LEF1: variants seen among roughly 807,000 people sequenced by gnomAD.
LEF1 encodes lymphoid enhancer-binding factor 1.
A neutral mutation model predicts 51.2 loss-of-function variants in LEF1; 14 were observed. The ratio of observed to expected loss-of-function variants is 0.27; its 90% CI spans 0.18 to 0.43. The LOEUF is 0.43. LEF1 is among the 20% of genes least tolerant of loss of function. The pLI is 1.00. For missense variants in LEF1, 386 were observed against 512.0 expected (o/e 0.75, Z 2.37); for synonymous variants, 185 against 183.2 (o/e 1.01, Z -0.08).
Position 108,163,609 on chromosome 4 carries a change from A to G in LEF1, c.373T>C (p.Tyr125His). The G allele has an allele frequency of 1.2e-6, 2 of 1,613,932 alleles. No individual in the cohort carries two copies. The highest frequency in any genetic ancestry group is 1.1e-5 in the South Asian group (1 of 91,068). The stretch of plus-strand genomic sequence containing the variant: ...GGAGAAAGAGATCCATTTGACATGT[A>G]TGGGTCGTTATTCATATTTGGCATC... ...IMMPNMNNDP[Y>H]MSNGSLSPPI... Residue 125 changes from tyrosine to histidine, a missense_variant, in exon 3 of 12, where the codon TAC (tyrosine) becomes CAC (histidine). Coordinates refer to ENST00000265165, the MANE Select transcript of LEF1 (RefSeq NM_016269.5).
rs749911957 is a variant in LEF1 at position 108,132,659 on chromosome 4, CTTTTTT to C, written c.414+30903_414+30908del. Among the ~76,000 whole-genome samples the C allele has an allele frequency of 5.2e-3, 246 of 47,452 alleles. 18 individuals carry two copies. The East Asian group carries it at 0.16, about 31-fold the overall frequency. 31.1% of individuals were successfully genotyped at this position (47,452 alleles called of 152,430 possible). A position where few individuals can be genotyped will look rare whatever the true frequency, so the allele number is the denominator to read the frequency against. ...ATATGGGATGAGAGCGAAAATCTGC[CTTTTTT>C]TTTTTTTTTTTTTTTTTTTTGAGGC... On this transcript the variant is annotated intron_variant, in intron 3 of 11. Coordinates refer to ENST00000265165, the MANE Select transcript of LEF1 (RefSeq NM_016269.5).
chr4:108,167,987 T>A lies in LEF1; in HGVS notation c.-220A>T. ...CCGGCGGCCGCCGCGCTTTCCCGCTTCGCGGAGACCGACGCAGGCGCCCGC... is the reference window on the plus strand; with the variant it reads ...CCGGCGGCCGCCGCGCTTTCCCGCTACGCGGAGACCGACGCAGGCGCCCGC... On this transcript the variant is annotated 5_prime_UTR_variant, in exon 1 of 12. Transcript: ENST00000265165. This position sits in a 1 kb window ranked among gnomAD's most constrained non-coding sequence, Gnocchi z 5.7. 1 of 224,408 alleles carries A rather than the reference T, an allele frequency of 4.5e-6. No individual in the cohort carries two copies. The highest frequency in any genetic ancestry group is 8.5e-6 in the Non-Finnish European group (1 of 117,314). The allele number at this position is 224,408 out of a possible 1,614,324, so 13.9% of individuals were successfully genotyped here.
chr4:108,049,638 C>T (rs1239729349), intron 11 of LEF1, among the ~76,000 whole-genome samples: 5 of 152,218 alleles, frequency 3.3e-5, no homozygotes, highest in African/African-American at 1.2e-4. Flanking sequence ...CCTTCTCAAC[C>T]TGGGTCCCTT....
chr4:108,115,846 TACACACACAC>T (rs55839332), intron 3 of LEF1, among the ~76,000 whole-genome samples: 2,406 of 139,364 alleles, frequency 0.017, 42 homozygotes, highest in Admixed American at 0.033. Flanking sequence ...ATGTAACACA[TACACACACAC>T]ACACACACAC....
intron 3 of LEF1, among the ~76,000 whole-genome samples, chr4:108,119,666 A>G (rs568352745): frequency 6.6e-6 from 1 of 152,168 alleles, no homozygotes; most frequent in Non-Finnish European, 1.5e-5. Context: ...GATAGCCTTC[A>G]TTACAAAAAG....
chr4:108,068,761 T>C (rs1382537263), intron 9 of LEF1, among the ~76,000 whole-genome samples: 24 of 152,192 alleles, frequency 1.6e-4, no homozygotes, highest in Non-Finnish European at 5.9e-5. Flanking sequence ...GTGCATGACC[T>C]CAGATATGCA....
At chr4:108,100,867 T>A (rs935018844) in intron 3 of LEF1, among the ~76,000 whole-genome samples, 1 of 152,238 alleles carries the variant, frequency 6.6e-6, no homozygotes, top group Non-Finnish European at 1.5e-5. Flanking sequence ...CTCTTATTTA[T>A]TTCTTTGACA....
chr4:108,079,120 T>A (rs1306001780), intron 7 of LEF1, among the ~76,000 whole-genome samples: 1 of 152,232 alleles, frequency 6.6e-6, no homozygotes, highest in African/African-American at 2.4e-5. Context: ...CAGAAGAAAG[T>A]GCATTAAACC....
intron 11 of LEF1, among the ~76,000 whole-genome samples, chr4:108,062,594 G>A (rs1017141093): frequency 2.0e-5 from 3 of 152,206 alleles, no homozygotes; most frequent in Non-Finnish European, 2.9e-5. Flanking sequence ...TACTGGCTAA[G>A]TTTCCAGGTC....
At chr4:108,155,647 C>A (rs1404394426) in intron 3 of LEF1, among the ~76,000 whole-genome samples, 1 of 152,228 alleles carries the variant, frequency 6.6e-6, no homozygotes, top group Non-Finnish European at 1.5e-5. Context: ...GCGGCCACAG[C>A]TAGAAAACAG....
intron 3 of LEF1, among the ~76,000 whole-genome samples, chr4:108,089,793 T>C (rs1739890575): frequency 6.6e-6 from 1 of 152,222 alleles, no homozygotes; most frequent in Non-Finnish European, 1.5e-5. Context: ...ACAGAGTTCA[T>C]AACTCTATGT....
intron 3 of LEF1, among the ~76,000 whole-genome samples, chr4:108,114,010 A>C (rs1319182117): frequency 6.6e-6 from 1 of 152,214 alleles, no homozygotes; most frequent in Non-Finnish European, 1.5e-5. Flanking sequence ...TTTTTAAGGC[A>C]AGTATGTTAT....
chr4:108,166,209 G>C, intron 1 of LEF1: 1 of 1,498,170 alleles, frequency 6.7e-7, no homozygotes, highest in Non-Finnish European at 8.9e-7. Context: ...TGGATTCAAC[G>C]GGTAAAGAAC....
intron 3 of LEF1, among the ~76,000 whole-genome samples, chr4:108,122,023 A>C (rs761107250): frequency 1.6e-4 from 24 of 152,170 alleles, no homozygotes; most frequent in Non-Finnish European, 2.6e-4. Flanking sequence ...AATCCTTTGA[A>C]GTTTTTTAAC....
rs2110435527 is a variant in LEF1, at chr4:108,168,801, G to C, written c.-1034C>G. 1 of 152,348 alleles carries C rather than the reference G, an allele frequency of 6.6e-6. No homozygotes were observed. Among genetic ancestry groups the C allele is most frequent in the South Asian group, 2.1e-4 (1 of 4,832 alleles). 9.4% of individuals were successfully genotyped at this position (152,348 alleles called of 1,614,324 possible). A position where few individuals can be genotyped will look rare whatever the true frequency, so the allele number is the denominator to read the frequency against. On this transcript the variant is annotated 5_prime_UTR_variant, in exon 1 of 12. Coordinates refer to ENST00000265165, the MANE Select transcript of LEF1 (RefSeq NM_016269.5). This position sits in a 1 kb window ranked among gnomAD's most constrained non-coding sequence, Gnocchi z 4.6. ...CTTGAGTTCGCCCGGCCGAGGGGAG[G>C]GGACGCCCCGAGCTTGGCCGCGTGC...
intron 3 of LEF1, among the ~76,000 whole-genome samples, chr4:108,099,594 A>ATG (rs1256316074): frequency 7.8e-6 from 1 of 127,570 alleles, no homozygotes; most frequent in Non-Finnish European, 1.7e-5. Context: ...ATATATATAT[A>ATG]TATATATATA....
intron 3 of LEF1, among the ~76,000 whole-genome samples, chr4:108,118,411 G>A (rs1741968233): frequency 2.0e-5 from 3 of 152,162 alleles, no homozygotes; most frequent in South Asian, 4.1e-4. Flanking sequence ...TTTTGAGTGC[G>A]AAACTTAGGC....
intron 9 of LEF1, among the ~76,000 whole-genome samples, chr4:108,067,922 A>G (rs1738189624): frequency 6.6e-6 from 1 of 152,170 alleles, no homozygotes; most frequent in African/African-American, 2.4e-5. Context: ...ATTGCTGCTC[A>G]GAAAACAGAA....
At chr4:108,084,511 T>C (rs1479853421) in intron 4 of LEF1, among the ~76,000 whole-genome samples, 1 of 152,254 alleles carries the variant, frequency 6.6e-6, no homozygotes, top group Non-Finnish European at 1.5e-5. Flanking sequence ...ATTTCATTTG[T>C]ATCTTAAAGA....
Sources: allele counts gnomAD v4.1 joint callset (sites outside exome capture counted in the v4.1 genomes callset), GRCh38; gene constraint gnomAD v4.1.1; non-coding constraint Gnocchi (gnomAD v3.1); transcripts MANE v1.5; gene names NCBI Gene and HGNC (gene_info 2026-07-23, HGNC 2026-07-21).